The following UBR3 variants were observed in gnomAD, a reference collection of about 807,000 sequenced individuals.
UBR3 encodes E3 ubiquitin-protein ligase UBR3.
A neutral mutation model predicts 243.2 loss-of-function variants in UBR3; 85 were observed. That is an observed-to-expected ratio of 0.35 (90% confidence interval 0.29 to 0.42). The LOEUF (loss-of-function observed/expected upper bound fraction) is 0.42. Among genes scored for constraint, UBR3 ranks in the 10% least tolerant of loss-of-function variants. The pLI, the probability that UBR3 is intolerant of heterozygous loss-of-function variation, is 1.00. For synonymous variants in UBR3, 748 were observed against 799.8 expected (o/e 0.94, Z 1.09); for missense variants, 1,686 against 2,300.8 (o/e 0.73, Z 5.47).
chr2:170,035,332 A>G (rs1221780979), intron 31 of UBR3, among the ~76,000 whole-genome samples: 1 of 151,914 alleles, frequency 6.6e-6, no homozygotes, highest in East Asian at 1.9e-4. Context: ...TTTTTAGTTA[A>G]TTTTTGTGAA....
chr2:169,914,229 A>C (rs1220224696), intron 11 of UBR3, 83 bp downstream of exon 11: 1 of 673,152 alleles, frequency 1.5e-6, no homozygotes, highest in African/African-American at 1.9e-5. Context: ...TTAATGTTGA[A>C]AATAATGAAT....
At chr2:169,835,090 C>G (rs1372281849) in intron 1 of UBR3, among the ~76,000 whole-genome samples, 1 of 151,990 alleles carries the variant, frequency 6.6e-6, no homozygotes, top group Non-Finnish European at 1.5e-5. Flanking sequence ...TCCTTGAGAT[C>G]GATGGTTGTG....
intron 29 of UBR3, among the ~76,000 whole-genome samples, chr2:170,012,185 T>A (rs545725724): frequency 0.011 from 1,617 of 152,140 alleles, 24 homozygotes; most frequent in African/African-American, 0.036. Context: ...TGAATCTTTT[T>A]AAAAAAACAA....
intron 29 of UBR3, among the ~76,000 whole-genome samples, chr2:170,012,137 G>A (rs2090101978): frequency 6.6e-6 from 1 of 152,084 alleles, no homozygotes. Flanking sequence ...AACTAATCAT[G>A]TTCAAAATAA....
At chr2:169,898,669 CTTT>C (rs561412467) in intron 8 of UBR3, among the ~76,000 whole-genome samples, 1 of 128,158 alleles carries the variant, frequency 7.8e-6, no homozygotes, top group Admixed American at 8.1e-5. Context: ...ACTTCTTCAC[CTTT>C]TTTTTTTTTT....
intron 30 of UBR3, among the ~76,000 whole-genome samples, chr2:170,024,957 G>A (rs2090489714): frequency 6.6e-6 from 1 of 152,130 alleles, no homozygotes; most frequent in Non-Finnish European, 1.5e-5. Flanking sequence ...GTTAGAGTTG[G>A]GGGTCAGTCT....
intron 1 of UBR3, among the ~76,000 whole-genome samples, chr2:169,851,672 T>C (rs2082661677): frequency 6.6e-6 from 1 of 151,960 alleles, no homozygotes; most frequent in African/African-American, 2.4e-5. Context: ...AAGACCATCT[T>C]GGCCAACATG....
At chr2:169,895,057 C>A in intron 6 of UBR3, 124 bp from the exon 7 acceptor site, 1 of 884,968 alleles carries the variant, frequency 1.1e-6, no homozygotes. Context: ...AATATTATTG[C>A]ATTATTGTAA....
At chr2:169,868,958 A>G (rs942244621) in intron 1 of UBR3, among the ~76,000 whole-genome samples, 3 of 152,150 alleles carry the variant, frequency 2.0e-5, no homozygotes, top group Non-Finnish European at 4.4e-5. Flanking sequence ...CTGACAGGTT[A>G]CAGAAACTGG....
chr2:169,962,882 C>T (rs1187703447), intron 24 of UBR3, among the ~76,000 whole-genome samples: 5 of 151,966 alleles, frequency 3.3e-5, no homozygotes, highest in African/African-American at 1.2e-4. Context: ...GTCTGGGTAG[C>T]TCTTGTGGGT....
chr2:170,053,821 G>T (rs1480604780), intron 32 of UBR3, among the ~76,000 whole-genome samples: 1 of 152,198 alleles, frequency 6.6e-6, no homozygotes, highest in Non-Finnish European at 1.5e-5. Flanking sequence ...TTTACTAGGG[G>T]AGGAGTATAA....
intron 29 of UBR3, among the ~76,000 whole-genome samples, chr2:170,012,956 T>G (rs1223502776): frequency 6.6e-6 from 1 of 152,184 alleles, no homozygotes; most frequent in Non-Finnish European, 1.5e-5. Context: ...TGTGCACATC[T>G]AGGTGGCCAC....
At chr2:169,833,085 A>C (rs2081988868) in intron 1 of UBR3, among the ~76,000 whole-genome samples, 1 of 152,222 alleles carries the variant, frequency 6.6e-6, no homozygotes, top group Non-Finnish European at 1.5e-5. Flanking sequence ...GGTATACTGA[A>C]ATGCTGCTTA....
intron 5 of UBR3, among the ~76,000 whole-genome samples, chr2:169,882,403 A>T (rs1361743654): frequency 2.1e-5 from 3 of 144,388 alleles, no homozygotes; most frequent in South Asian, 2.1e-4. Flanking sequence ...TATATATATA[A>T]AATAAGGTGT....
intron 5 of UBR3, among the ~76,000 whole-genome samples, chr2:169,884,864 G>C (rs78784637): frequency 0.065 from 9,904 of 152,038 alleles, 339 homozygotes; most frequent in Non-Finnish European, 0.084. Context: ...ATATTAAAAT[G>C]GTCAAAATGC....
chr2:169,936,845 A>G (rs1417882975), intron 19 of UBR3, among the ~76,000 whole-genome samples: 3 of 152,224 alleles, frequency 2.0e-5, no homozygotes, highest in South Asian at 2.1e-4. Context: ...TACAAAGGAC[A>G]TGAACTCATC....
At chr2:169,828,190 G>A in intron 1 of UBR3, 138 bp downstream of exon 1, 2 of 1,138,166 alleles carry the variant, frequency 1.8e-6, no homozygotes, top group Non-Finnish European at 2.2e-6. Context: ...GGGGGATGGA[G>A]GTGACTGAGC....
At chr2:170,020,417 T>C (rs2090358626) in intron 30 of UBR3, among the ~76,000 whole-genome samples, 1 of 152,188 alleles carries the variant, frequency 6.6e-6, no homozygotes, top group Admixed American at 6.5e-5. Context: ...AGGGCCAACA[T>C]GAAAGATACA....
intron 1 of UBR3, among the ~76,000 whole-genome samples, chr2:169,863,597 T>G (rs143967531): frequency 4.6e-4 from 70 of 152,322 alleles, no homozygotes; most frequent in African/African-American, 1.5e-3. Context: ...TGCCTTATTT[T>G]TAATTTAGAG....
Sources: gnomAD v4.1 joint callset for allele counts (sites outside exome capture counted in the v4.1 genomes callset) on GRCh38, gnomAD v4.1.1 for gene constraint, MANE v1.5 for transcripts, NCBI Gene and HGNC (gene_info 2026-07-23, HGNC 2026-07-21) for gene names.